The following BMPR1B variants were observed in gnomAD, a reference collection of about 807,000 sequenced individuals.
BMPR1B encodes the protein bone morphogenetic protein receptor type 1B.
In BMPR1B, 12 loss-of-function variants were observed where a neutral mutation model predicts 59.1. The ratio of observed to expected loss-of-function variants is 0.20; its 90% CI spans 0.13 to 0.33. The LOEUF (loss-of-function observed/expected upper bound fraction) is 0.33. BMPR1B is among the 10% of genes least tolerant of loss of function. The probability of loss-of-function intolerance (pLI) is 1.00; values close to 1 mark genes in which losing one functional copy is unlikely to be tolerated. For missense variants in BMPR1B, 550 were observed against 610.9 expected, an observed-to-expected ratio of 0.90 and a Z score of 1.05; for synonymous variants, 237 against 207.3, an observed-to-expected ratio of 1.14 and a Z score of -1.23.
intron 1 of BMPR1B, among the ~76,000 whole-genome samples, chr4:94,846,713 A>G (rs1040646632): frequency 6.6e-6 from 1 of 150,990 alleles, no homozygotes; most frequent in African/African-American, 2.4e-5. Context: ...ATATGTATCT[A>G]TATATCTATA....
At position 95,154,599 on chromosome 4, in the gene BMPR1B, G is replaced by A. The variant is rs746760963; in HGVS notation, c.1435G>A (p.Ala479Thr). Reference protein sequence around the residue: ...LMTECWAHNPASRLTALRVKK... With the variant: ...LMTECWAHNPTSRLTALRVKK... ...GACAGAATGCTGGGCTCACAATCCT[G>A]CATCAAGGCTGACAGCCCTGCGGGT... is the stretch of plus-strand genomic sequence containing the variant. Residue 479 changes from alanine (A) to threonine (T), a missense_variant, in exon 13 of 13, where the codon GCA becomes ACA. Around this residue, in one of 6 missense-constraint regions of BMPR1B, gnomAD observed 123 missense variants for 164.6 expected, o/e 0.75. Transcript: ENST00000515059. 6.2e-7 allele frequency: 1 copy of A among 1,613,964 alleles called. No homozygotes were observed. Among genetic ancestry groups the A allele is most frequent in the Non-Finnish European group, 8.5e-7 (1 of 1,179,966 alleles).
At chr4:94,797,549 G>A (rs1723241348) in intron 1 of BMPR1B, among the ~76,000 whole-genome samples, 1 of 152,152 alleles carries the variant, frequency 6.6e-6, no homozygotes, top group African/African-American at 2.4e-5. Context: ...AATTTTTGAG[G>A]CAAATATTGT....
intron 1 of BMPR1B, among the ~76,000 whole-genome samples, chr4:94,761,559 A>G (rs533681869): frequency 6.6e-6 from 1 of 152,092 alleles, no homozygotes; most frequent in Non-Finnish European, 1.5e-5. Context: ...TCCCAGAACA[A>G]CTGCAAATTC....
At chr4:94,984,714 T>C (rs1002483308) in intron 2 of BMPR1B, among the ~76,000 whole-genome samples, 1 of 151,824 alleles carries the variant, frequency 6.6e-6, no homozygotes, top group African/African-American at 2.4e-5. Context: ...TCTGTTCAGG[T>C]TCCCAAAGTC....
chr4:94,939,857 T>G (rs1729443355), intron 2 of BMPR1B, among the ~76,000 whole-genome samples: 1 of 152,212 alleles, frequency 6.6e-6, no homozygotes, highest in Non-Finnish European at 1.5e-5. Context: ...TAGGACATCT[T>G]TGCCAAAATT....
intron 2 of BMPR1B, among the ~76,000 whole-genome samples, chr4:94,963,712 C>T (rs1263137911): frequency 6.6e-6 from 1 of 151,938 alleles, no homozygotes; most frequent in Non-Finnish European, 1.5e-5. Context: ...GTTTTTATGC[C>T]AGTACTATGC....
At chr4:95,130,161 T>C (rs1733220305) in intron 9 of BMPR1B, 107 bp downstream of exon 9, 3 of 1,364,988 alleles carry the variant, frequency 2.2e-6, no homozygotes, top group Non-Finnish European at 3.1e-6. Flanking sequence ...GCGAAATGTA[T>C]TGAAGTTTTC....
At chr4:95,058,858 C>G (rs1241129660) in intron 3 of BMPR1B, among the ~76,000 whole-genome samples, 2 of 151,894 alleles carry the variant, frequency 1.3e-5, no homozygotes, top group Non-Finnish European at 1.5e-5. Flanking sequence ...AAACTTGTTG[C>G]TTGCAGTTGT....
At chr4:95,080,230 G>A (rs573806406) in intron 3 of BMPR1B, among the ~76,000 whole-genome samples, 1 of 152,110 alleles carries the variant, frequency 6.6e-6, no homozygotes, top group Non-Finnish European at 1.5e-5. Context: ...ATGTATGTAT[G>A]TATGTACATA....
At chr4:95,123,607 T>C (rs1732684604) in intron 6 of BMPR1B, among the ~76,000 whole-genome samples, 1 of 152,170 alleles carries the variant, frequency 6.6e-6, no homozygotes, top group Admixed American at 6.6e-5. Context: ...CTTGATTAAG[T>C]GCCTAGGTGA....
chr4:94,818,391 T>C (rs1456265903), intron 1 of BMPR1B, among the ~76,000 whole-genome samples: 2 of 152,190 alleles, frequency 1.3e-5, no homozygotes, highest in East Asian at 1.9e-4. Context: ...AGAAGGAAGC[T>C]GAGGTACAAA....
chr4:94,778,875 T>G (rs1282543022), intron 1 of BMPR1B, among the ~76,000 whole-genome samples: 3 of 152,104 alleles, frequency 2.0e-5, no homozygotes, highest in Admixed American at 6.5e-5. Context: ...TTAGATTGGT[T>G]GTTCTTTTCT....
chr4:94,840,524 T>G (rs1336129434), intron 1 of BMPR1B, among the ~76,000 whole-genome samples: 2 of 146,646 alleles, frequency 1.4e-5, no homozygotes, highest in East Asian at 3.9e-4. Context: ...CACCTTCCAT[T>G]GCTGATACCC....
chr4:95,153,320 G>A (rs1735188220), intron 12 of BMPR1B, among the ~76,000 whole-genome samples: 2 of 152,020 alleles, frequency 1.3e-5, no homozygotes, highest in South Asian at 2.1e-4. Context: ...GGAAAGCAGC[G>A]GCTAGTAAGG....
At chr4:95,152,083 A>G (rs887457456) in intron 11 of BMPR1B, among the ~76,000 whole-genome samples, 1 of 152,198 alleles carries the variant, frequency 6.6e-6, no homozygotes, top group Non-Finnish European at 1.5e-5. Context: ...AAAAAATCAG[A>G]TAATCCTTGA....
intron 2 of BMPR1B, among the ~76,000 whole-genome samples, chr4:94,965,410 C>A (rs1254196711): frequency 6.6e-6 from 1 of 152,036 alleles, no homozygotes; most frequent in Non-Finnish European, 1.5e-5. Context: ...CTTTTTATGG[C>A]ATTTCTTATA....
chr4:94,990,076 G>A (rs898197270), intron 2 of BMPR1B, among the ~76,000 whole-genome samples: 2 of 152,186 alleles, frequency 1.3e-5, no homozygotes, highest in African/African-American at 2.4e-5. Context: ...TATAAGTTGA[G>A]GCCGGGCATG....
At chr4:94,814,132 A>T (rs540194177) in intron 1 of BMPR1B, among the ~76,000 whole-genome samples, 1 of 152,360 alleles carries the variant, frequency 6.6e-6, no homozygotes, top group African/African-American at 2.4e-5. Context: ...CGATCTGTTC[A>T]GGATTAAATA....
rs190951456 is a variant in BMPR1B, at chr4:95,133,969, A to C, written c.1076+2457A>C. Among the ~76,000 whole-genome samples the C allele has an allele frequency of 1.2e-4, 18 of 151,498 alleles. No individual in the cohort carries two copies. The East Asian group carries it at 2.7e-3, about 23-fold the overall frequency. ...TGTATACGTGTGCCATGTTGGTGTG[A>C]TGCACCCATTAACTTGTCATTTACA... is the stretch of plus-strand genomic sequence containing the variant. On this transcript the variant is annotated intron_variant, in intron 10 of 12. Transcript: ENST00000515059.
Sources: gnomAD v4.1 joint callset for allele counts (sites outside exome capture counted in the v4.1 genomes callset) on GRCh38, gnomAD v4.1.1 for gene constraint, gnomAD v4.1.1 regional missense constraint, MANE v1.5 for transcripts, NCBI Gene and HGNC (gene_info 2026-07-23, HGNC 2026-07-21) for gene names.